CACNA1S: variants seen among roughly 807,000 people sequenced by gnomAD.
CACNA1S encodes voltage-dependent L-type calcium channel subunit alpha-1S.
CACNA1S carries 126 observed loss-of-function variants against 207.4 expected under a neutral mutation model. That is an observed-to-expected ratio of 0.61 (90% CI 0.53 to 0.70). The LOEUF (loss-of-function observed/expected upper bound fraction) is 0.70. Ranked by LOEUF, CACNA1S falls within the 30% of genes least tolerant of loss-of-function variation. CACNA1S has a pLI of 0.00. For missense variants in CACNA1S, 2,349 were observed against 2,422.8 expected (o/e 0.97, Z 0.64); for synonymous variants, 960 against 932.7 (o/e 1.03, Z -0.53).
chr1:201,108,724 T>C (rs1474473668), intron 2 of CACNA1S, among the ~76,000 whole-genome samples: 1 of 152,108 alleles, frequency 6.6e-6, no homozygotes, highest in Non-Finnish European at 1.5e-5. Context: ...CAAGATAGAT[T>C]CCCATGGAAA....
chr1:201,058,113 C>T (rs1660910332), intron 28 of CACNA1S, among the ~76,000 whole-genome samples: 1 of 152,190 alleles, frequency 6.6e-6, no homozygotes, highest in African/African-American at 2.4e-5. Context: ...CAGATGGCAC[C>T]ACCTCCATGA....
In CACNA1S at chr1:201,069,205, A is replaced by T; in HGVS notation, c.2491-9T>A. The T allele has an allele frequency of 6.2e-7, 1 of 1,613,926 alleles. No individual in the cohort carries two copies. On this transcript the variant is annotated splice_polypyrimidine_tract_variant and intron_variant, in intron 18 of 43. Coordinates refer to ENST00000362061, the MANE Select transcript of CACNA1S (RefSeq NM_000069.3). ...TCAAAGTGTTTAAGGATCTGGGGAC[A>T]GGGCAGGGGCGGGAGCAGCCAGTGA...
chr1:201,069,289 C>T, intron 18 of CACNA1S, 93 bp from the exon 19 acceptor site: 1 of 1,442,514 alleles, frequency 6.9e-7, no homozygotes, highest in Non-Finnish European at 9.7e-7. Context: ...CAGTCAGAGC[C>T]ATTCTGTGCC....
rs144920422 is a variant in CACNA1S, at chr1:201,083,172, G to T, written c.1383C>A (p.Thr461=). ...TCCGTTCCGCCTCACCTTGCAAACGGGTCAGCCAGAGAGGCTGGTTGTGGT... is the reference window on the plus strand; with the variant it reads ...TCCGTTCCGCCTCACCTTGCAAACGTGTCAGCCAGAGAGGCTGGTTGTGGT... The part of the protein sequence containing the change: ...SEHHNQPLWL[T]RLQDIANRVL... Residue 461 remains threonine (T), a synonymous_variant, in exon 10 of 44, where the codon ACC becomes ACA. Transcript: ENST00000362061. The T allele has an allele frequency of 6.2e-7, 1 of 1,614,004 alleles. No individual in the cohort carries two copies. Among genetic ancestry groups the T allele is most frequent in the African/African-American group, 1.3e-5 (1 of 74,924 alleles).
intron 28 of CACNA1S, among the ~76,000 whole-genome samples, chr1:201,056,789 G>A (rs1032293793): frequency 2.0e-5 from 3 of 152,188 alleles, no homozygotes; most frequent in Non-Finnish European, 4.4e-5. Flanking sequence ...GGCTGGAACT[G>A]CCTCCCTGCT....
chr1:201,111,174 G>A (rs549734821), intron 1 of CACNA1S, among the ~76,000 whole-genome samples: 2 of 152,204 alleles, frequency 1.3e-5, no homozygotes, highest in Admixed American at 6.5e-5. Context: ...GCGATATACC[G>A]CCTGGCCGAG....
intron 10 of CACNA1S, among the ~76,000 whole-genome samples, chr1:201,079,765 A>C (rs1466582611): frequency 6.6e-6 from 1 of 152,162 alleles, no homozygotes; most frequent in African/African-American, 2.4e-5. Flanking sequence ...CCTTATCTAA[A>C]GTCCATGCCC....
intron 16 of CACNA1S, 46 bp from the exon 17 acceptor site, chr1:201,070,450 C>T: frequency 9.9e-6 from 16 of 1,611,630 alleles, no homozygotes; most frequent in Non-Finnish European, 1.4e-5. Context: ...CCATGCTTTG[C>T]TATGCCCATG....
At chr1:201,109,064 A>G (rs1336597373) in intron 2 of CACNA1S, among the ~76,000 whole-genome samples, 1 of 152,194 alleles carries the variant, frequency 6.6e-6, no homozygotes, top group Non-Finnish European at 1.5e-5. Flanking sequence ...CCTGGCCAAC[A>G]TGGCGAAACC....
chr1:201,073,789 T>A, intron 14 of CACNA1S, 147 bp from the exon 15 acceptor site: 2 of 778,100 alleles, frequency 2.6e-6, no homozygotes, highest in Non-Finnish European at 4.7e-6. Flanking sequence ...GGAAGGGCAG[T>A]GGGCTCAGGC....
Position 201,087,916 on chromosome 1 carries a change from A to G in CACNA1S, c.914T>C (p.Ile305Thr). ...TDVLYWVNDA[I>T]GNEWPWIYFV... ...ATAGATCCAGGGCCACTCATTCCCGATGGCATCATTGACCTGGTCAGGACA... is the reference window on the plus strand; with the variant it reads ...ATAGATCCAGGGCCACTCATTCCCGGTGGCATCATTGACCTGGTCAGGACA... The change falls in exon 7 of 44, where the codon ATC becomes ACC. Residue 305 changes from isoleucine (I) to threonine (T), a missense_variant. Ile to Thr is a moderately conservative substitution (Grantham distance 89, BLOSUM62 -1). Transcript: ENST00000362061. 1.2e-6 allele frequency: 2 copies of G among 1,611,958 alleles called. No individual in the cohort carries two copies. The highest frequency in any genetic ancestry group is 1.7e-6 in the Non-Finnish European group (2 of 1,178,282).
chr1:201,093,275 T>C (rs893460325), intron 3 of CACNA1S, among the ~76,000 whole-genome samples: 1 of 152,144 alleles, frequency 6.6e-6, no homozygotes, highest in Non-Finnish European at 1.5e-5. Context: ...CTGGTGTCCT[T>C]ATAAGAAGAG....
intron 32 of CACNA1S, 73 bp from the exon 33 acceptor site, chr1:201,051,216 C>T: frequency 6.5e-7 from 1 of 1,543,762 alleles, no homozygotes; most frequent in Non-Finnish European, 8.9e-7. Context: ...AGTCAGGTGG[C>T]AGCAGGGTGT....
rs370215848 is a variant in CACNA1S, at chr1:201,066,777, C to A, written c.2657+110G>T. ...TGCCTCCATCGGAGGCCCCGAGAGA[C>A]CCTCCTCTTGTGGCAGGGGCCCACC... On this transcript the variant is annotated intron_variant, in intron 20 of 43. Transcript: ENST00000362061. The surrounding 1 kb of genome is among the most constrained non-coding windows in gnomAD (Gnocchi z 4.3). 141 of 818,474 alleles carry A rather than the reference C, an allele frequency of 1.7e-4. 1 individual carries two copies. In the Middle Eastern group the frequency reaches 1.9e-3, roughly 11 times the overall value. 50.7% of individuals were successfully genotyped at this position (818,474 alleles called of 1,614,324 possible).
intron 2 of CACNA1S, among the ~76,000 whole-genome samples, chr1:201,108,700 G>A (rs147872531): frequency 9.8e-4 from 149 of 152,254 alleles, no homozygotes; most frequent in African/African-American, 2.9e-3. Context: ...TAGAATCCCA[G>A]CTTCCCATCA....
At chr1:201,088,342 T>A (rs568363653) in intron 6 of CACNA1S, among the ~76,000 whole-genome samples, 260 of 152,282 alleles carry the variant, frequency 1.7e-3, no homozygotes, top group Non-Finnish European at 2.9e-3. Flanking sequence ...TTCCCAACCA[T>A]CTAATGGCGA....
chr1:201,069,546 G>T lies in CACNA1S; in HGVS notation c.2416C>A (p.Leu806Met). Residue 806 changes from leucine (L) to methionine (M), a missense_variant, in exon 18 of 44, where the codon CTG becomes ATG. Leu to Met is a conservative substitution (Grantham distance 15, BLOSUM62 2). Coordinates refer to ENST00000362061, the MANE Select transcript of CACNA1S (RefSeq NM_000069.3). The stretch of plus-strand genomic sequence containing the variant: ...GCGCTGCTGAGCAGGATGAAGAGCA[G>T]GATGAAGTTGGTAAACCAGGTGGCA... ...VNATWFTNFI[L>M]LFILLSSAAL... The T allele has an allele frequency of 6.3e-7, 1 of 1,579,410 alleles. No homozygotes were observed. The highest frequency in any genetic ancestry group is 8.6e-7 in the Non-Finnish European group (1 of 1,163,342).
chr1:201,106,589 T>C (rs1289935424), intron 2 of CACNA1S, among the ~76,000 whole-genome samples: 1 of 152,150 alleles, frequency 6.6e-6, no homozygotes, highest in African/African-American at 2.4e-5. Flanking sequence ...ATAAAGCTTT[T>C]CCCTTTCTTT....
intron 10 of CACNA1S, among the ~76,000 whole-genome samples, chr1:201,081,098 G>A (rs1661823653): frequency 6.6e-6 from 1 of 152,162 alleles, no homozygotes; most frequent in Non-Finnish European, 1.5e-5. Context: ...CCCTTCCATG[G>A]GGGCAGACTT....
Sources: allele counts gnomAD v4.1 joint callset (sites outside exome capture counted in the v4.1 genomes callset), GRCh38; gene constraint gnomAD v4.1.1; non-coding constraint Gnocchi (gnomAD v3.1); transcripts MANE v1.5; gene names NCBI Gene and HGNC (gene_info 2026-07-23, HGNC 2026-07-21).